The following SLC25A21 variants were observed in gnomAD, a reference collection of about 807,000 sequenced individuals.
SLC25A21 encodes solute carrier family 25 member 21.
Under a neutral mutation model 43.8 loss-of-function variants are expected in SLC25A21, and 47 were observed. The ratio of observed to expected loss-of-function variants is 1.07; its 90% CI spans 0.85 to 1.37. SLC25A21 has a LOEUF of 1.37. Ranked by LOEUF, SLC25A21 falls within the 40% of genes most tolerant of loss-of-function variation. The pLI is 0.00. For synonymous variants in SLC25A21, 131 were observed against 121.3 expected (o/e 1.08, Z -0.52); for missense variants, 352 against 350.2 (o/e 1.00, Z -0.04).
At chr14:36,865,777 T>C (rs751495698) in intron 2 of SLC25A21, among the ~76,000 whole-genome samples, 5 of 152,172 alleles carry the variant, frequency 3.3e-5, no homozygotes, top group Non-Finnish European at 5.9e-5. Flanking sequence ...TTCAGAAGTC[T>C]GGGGTTTGGG....
At chr14:36,864,951 G>A (rs1890171294) in intron 2 of SLC25A21, among the ~76,000 whole-genome samples, 1 of 151,584 alleles carries the variant, frequency 6.6e-6, no homozygotes, top group Non-Finnish European at 1.5e-5. Context: ...AGGTTCTACT[G>A]CCTCTTGTCT....
intron 4 of SLC25A21, among the ~76,000 whole-genome samples, 188 bp downstream of exon 4, chr14:36,734,319 A>T (rs1022591276): frequency 1.3e-5 from 2 of 152,210 alleles, no homozygotes; most frequent in South Asian, 4.1e-4. Flanking sequence ...TGATTAAAAA[A>T]ATCTACAAAT....
At chr14:36,812,516 A>G (rs2138443690) in intron 3 of SLC25A21, among the ~76,000 whole-genome samples, 1 of 150,722 alleles carries the variant, frequency 6.6e-6, no homozygotes, top group South Asian at 2.1e-4. Flanking sequence ...ATAGATACAC[A>G]CAAATGTGCA....
chr14:36,945,726 G>A (rs1302689482), intron 1 of SLC25A21, among the ~76,000 whole-genome samples: 3 of 152,110 alleles, frequency 2.0e-5, no homozygotes. Flanking sequence ...AGATAATGGG[G>A]AGCTAGTGCT....
intron 1 of SLC25A21, among the ~76,000 whole-genome samples, chr14:37,156,702 T>C (rs1963857000): frequency 6.6e-6 from 1 of 150,734 alleles, no homozygotes; most frequent in African/African-American, 2.5e-5. Flanking sequence ...TATGTAATGA[T>C]AAAGGGAACA....
At chr14:37,127,126 A>ACAGC (rs1963311138) in intron 1 of SLC25A21, among the ~76,000 whole-genome samples, 1 of 152,198 alleles carries the variant, frequency 6.6e-6, no homozygotes, top group South Asian at 2.1e-4. Flanking sequence ...TTATACGTAA[A>ACAGC]CAGCGCTAGG....
At chr14:37,113,244 A>G (rs767655095) in intron 1 of SLC25A21, among the ~76,000 whole-genome samples, 3 of 152,076 alleles carry the variant, frequency 2.0e-5, no homozygotes, top group Non-Finnish European at 2.9e-5. Context: ...TTAAAAAAAC[A>G]CCTTTTTTCC....
At chr14:36,789,990 T>C (rs1384900258) in intron 3 of SLC25A21, among the ~76,000 whole-genome samples, 1 of 135,958 alleles carries the variant, frequency 7.4e-6, no homozygotes, top group African/African-American at 2.8e-5. Flanking sequence ...TATATATATA[T>C]TTTTCCTAGT....
chr14:37,058,213 A>C (rs1021735309), intron 1 of SLC25A21, among the ~76,000 whole-genome samples: 2 of 152,222 alleles, frequency 1.3e-5, no homozygotes, highest in African/African-American at 4.8e-5. Context: ...AAGTTCAGAA[A>C]ATATTTATTA....
At chr14:36,924,061 C>T (rs932887211) in intron 1 of SLC25A21, among the ~76,000 whole-genome samples, 8 of 152,064 alleles carry the variant, frequency 5.3e-5, no homozygotes, top group African/African-American at 1.9e-4. Context: ...AATAGGAACA[C>T]TTTTACACTG....
intron 3 of SLC25A21, among the ~76,000 whole-genome samples, chr14:36,782,252 T>C (rs1887090832): frequency 6.6e-6 from 1 of 152,246 alleles, no homozygotes; most frequent in Admixed American, 6.5e-5. Context: ...GGGCCTCCCA[T>C]ACCTGGATAT....
chr14:36,776,238 C>CTTTTTTTTT (rs35856297), intron 3 of SLC25A21, among the ~76,000 whole-genome samples: 15 of 89,894 alleles, frequency 1.7e-4, no homozygotes, highest in Admixed American at 4.7e-4. Flanking sequence ...TTCTTTCTTT[C>CTTTTTTTTT]TTTTTTTTTT....
At chr14:36,977,536 C>T (rs1309614952) in intron 1 of SLC25A21, among the ~76,000 whole-genome samples, 1 of 152,142 alleles carries the variant, frequency 6.6e-6, no homozygotes, top group Non-Finnish European at 1.5e-5. Flanking sequence ...TGGCCTCCTA[C>T]CAAACTCCTG....
rs1882137310 is a variant in SLC25A21 at position 36,679,964 on chromosome 14, T to TAAC, written c.*691_*693dup. ...TAAACATGCTTAAACAACAGTGTTT[T>TAAC]AACATTCTGTTTTAAACAATGTTTT... On this transcript the variant is annotated 3_prime_UTR_variant, in exon 10 of 10. Transcript: ENST00000331299. 1 of 800,484 alleles carries TAAC rather than the reference T, an allele frequency of 1.2e-6. No individual in the cohort carries two copies. Among genetic ancestry groups the TAAC allele is most frequent in the Admixed American group, 1.3e-4 (1 of 7,450 alleles). 49.6% of individuals were successfully genotyped at this position (800,484 alleles called of 1,614,324 possible).
intron 3 of SLC25A21, among the ~76,000 whole-genome samples, chr14:36,757,596 GATCT>G (rs1264122888): frequency 1.3e-5 from 2 of 152,146 alleles, no homozygotes; most frequent in Admixed American, 1.3e-4. Context: ...GGCCCTTAAA[GATCT>G]ATCTCATTCC....
intron 1 of SLC25A21, among the ~76,000 whole-genome samples, chr14:36,893,377 C>T (rs995940935): frequency 1.3e-5 from 2 of 152,144 alleles, no homozygotes; most frequent in Non-Finnish European, 2.9e-5. Context: ...ATGTCCTTCA[C>T]CCACTTTTTG....
At chr14:36,725,479 A>G (rs1884559578) in intron 6 of SLC25A21, 91 bp downstream of exon 6, 1 of 62,274 alleles carries the variant, frequency 1.6e-5, no homozygotes, top group Non-Finnish European at 2.7e-5. Flanking sequence ...CTGTCCCAAA[A>G]TAAATAAATA....
At chr14:36,884,659 TA>T (rs1462249193) in intron 1 of SLC25A21, among the ~76,000 whole-genome samples, 1 of 152,186 alleles carries the variant, frequency 6.6e-6, no homozygotes, top group East Asian at 1.9e-4. Context: ...ATCTTTTTAG[TA>T]ACAGTGATTC....
intron 1 of SLC25A21, among the ~76,000 whole-genome samples, chr14:36,913,728 A>C (rs1215470201): frequency 1.3e-5 from 2 of 152,244 alleles, no homozygotes; most frequent in Non-Finnish European, 1.5e-5. Context: ...AAATCATTTA[A>C]TTGTCAGAGT....
Sources: allele counts gnomAD v4.1 joint callset (sites outside exome capture counted in the v4.1 genomes callset), GRCh38; gene constraint gnomAD v4.1.1; transcripts MANE v1.5; gene names NCBI Gene and HGNC (gene_info 2026-07-23, HGNC 2026-07-21).